PVT1: variants seen among roughly 807,000 people sequenced by gnomAD.
PVT1 encodes the protein CXCR4/PVT1 fusion.
intron 4 of PVT1, among the ~76,000 whole-genome samples, chr8:128,015,937 G>T (rs1817368051): frequency 1.3e-5 from 2 of 151,994 alleles, no homozygotes; most frequent in Non-Finnish European, 2.9e-5. Context: ...CAGGAGAGAA[G>T]GCACACCACT....
intron 3 of PVT1, among the ~76,000 whole-genome samples, chr8:127,922,796 G>C (rs1237516623): frequency 6.6e-6 from 1 of 152,180 alleles, no homozygotes; most frequent in East Asian, 1.9e-4. Context: ...AGACCAACTG[G>C]TGTCACCATA....
chr8:127,829,770 G>A (rs958519184), intron 2 of PVT1, among the ~76,000 whole-genome samples: 2 of 152,156 alleles, frequency 1.3e-5, no homozygotes, highest in South Asian at 4.1e-4. Context: ...ATTTCCTAGG[G>A]CTCACATTAC....
At chr8:127,837,066 T>G (rs989804276) in intron 2 of PVT1, among the ~76,000 whole-genome samples, 3 of 152,196 alleles carry the variant, frequency 2.0e-5, no homozygotes, top group African/African-American at 4.8e-5. Context: ...CCTGAGGGTC[T>G]GTTATTTGTC....
At chr8:127,927,037 G>T (rs1360311985) in intron 3 of PVT1, among the ~76,000 whole-genome samples, 2 of 152,202 alleles carry the variant, frequency 1.3e-5, no homozygotes, top group Non-Finnish European at 2.9e-5. Flanking sequence ...AAGGGGAAAA[G>T]GACGTGGGAA....
intron 4 of PVT1, among the ~76,000 whole-genome samples, chr8:128,017,628 G>T (rs1433677294): frequency 6.6e-6 from 1 of 151,610 alleles, no homozygotes; most frequent in African/African-American, 2.4e-5. Flanking sequence ...TAGAGGCAGG[G>T]ATCTTGCTAT....
chr8:127,948,933 G>A (rs1816460908), intron 3 of PVT1, among the ~76,000 whole-genome samples: 1 of 152,214 alleles, frequency 6.6e-6, no homozygotes, highest in Non-Finnish European at 1.5e-5. Flanking sequence ...GCTCTAAAAA[G>A]AAGCCTGAGA....
chr8:127,809,049 AAAAAAAGAAAG>A (rs1814561050), intron 2 of PVT1, among the ~76,000 whole-genome samples: 1 of 150,190 alleles, frequency 6.7e-6, no homozygotes, highest in African/African-American at 2.4e-5. Flanking sequence ...AAAAAAAAAA[AAAAAAAGAAAG>A]AAAAAAAAGA....
chr8:127,985,040 TTC>T, intron 3 of PVT1, among the ~76,000 whole-genome samples: 1 of 140,192 alleles, frequency 7.1e-6, no homozygotes, highest in African/African-American at 2.8e-5. Context: ...CTTCCTTTCC[TTC>T]TTTTTTTTTT....
chr8:127,993,116 A>G (rs1817062961), intron 4 of PVT1, among the ~76,000 whole-genome samples: 1 of 152,256 alleles, frequency 6.6e-6, no homozygotes, highest in Non-Finnish European at 1.5e-5. Flanking sequence ...GTGCATTGCA[A>G]TTGCCCTGGA....
At chr8:128,017,383 T>G (rs760344925) in intron 4 of PVT1, among the ~76,000 whole-genome samples, 9 of 152,202 alleles carry the variant, frequency 5.9e-5, no homozygotes, top group Non-Finnish European at 1.2e-4. Flanking sequence ...GCCCGGTTCC[T>G]GAGACATGAA....
At chr8:127,886,226 T>C (rs897019108) in intron 2 of PVT1, among the ~76,000 whole-genome samples, 3 of 152,220 alleles carry the variant, frequency 2.0e-5, no homozygotes, top group African/African-American at 7.2e-5. Flanking sequence ...CCACTGTTTT[T>C]CTCTGGCTCT....
At chr8:127,960,947 G>A (rs1264856770) in intron 3 of PVT1, among the ~76,000 whole-genome samples, 2 of 134,148 alleles carry the variant, frequency 1.5e-5, no homozygotes, top group Non-Finnish European at 3.2e-5. Context: ...TGGGGGTGGG[G>A]GGGGCGGGCG....
At chr8:127,920,144 A>G (rs757367434) in intron 3 of PVT1, among the ~76,000 whole-genome samples, 14 of 152,184 alleles carry the variant, frequency 9.2e-5, no homozygotes, top group Non-Finnish European at 1.6e-4. Flanking sequence ...AAAAATATGC[A>G]TGAATAAACT....
intron 2 of PVT1, among the ~76,000 whole-genome samples, chr8:127,882,656 G>A (rs904635737): frequency 6.6e-6 from 1 of 151,908 alleles, no homozygotes; most frequent in African/African-American, 2.4e-5. Flanking sequence ...GCTAATTTTT[G>A]TATTTTTAGT....
At chr8:128,061,151 C>G (rs1430749668) in intron 4 of PVT1, among the ~76,000 whole-genome samples, 1 of 152,234 alleles carries the variant, frequency 6.6e-6, no homozygotes, top group Non-Finnish European at 1.5e-5. Flanking sequence ...CTCAAGTGAT[C>G]TGCCCCTTTC....
intron 3 of PVT1, among the ~76,000 whole-genome samples, chr8:127,964,021 A>G (rs1260902288): frequency 6.6e-6 from 1 of 152,346 alleles, no homozygotes; most frequent in South Asian, 2.1e-4. Context: ...GAGGGAACTC[A>G]CAGCTGGAGG....
intron 5 of PVT1, among the ~76,000 whole-genome samples, chr8:128,072,858 C>A (rs1308705389): frequency 6.6e-6 from 1 of 151,552 alleles, no homozygotes; most frequent in African/African-American, 2.4e-5. Flanking sequence ...ATTTTTTTGA[C>A]AGAGTCTCAC....
chr8:127,910,362 C>T (rs1815880018), intron 3 of PVT1, among the ~76,000 whole-genome samples: 1 of 152,184 alleles, frequency 6.6e-6, no homozygotes, highest in Non-Finnish European at 1.5e-5. Context: ...GACTCTATTG[C>T]CTTGGCTTCT....
intron 2 of PVT1, among the ~76,000 whole-genome samples, chr8:127,823,271 C>T (rs190905341): frequency 1.3e-5 from 2 of 152,190 alleles, no homozygotes; most frequent in African/African-American, 4.8e-5. Flanking sequence ...GGCTGCCAGC[C>T]CATCCCACTG....
Sources: gnomAD v4.1 joint callset for allele counts (sites outside exome capture counted in the v4.1 genomes callset) on GRCh38, gnomAD v4.1.1 for gene constraint, MANE v1.5 for transcripts, NCBI Gene and HGNC (gene_info 2026-07-23, HGNC 2026-07-21) for gene names.